The following PDE4D variants were observed in gnomAD, a reference collection of about 807,000 sequenced individuals.
PDE4D encodes the protein phosphodiesterase 4D, also known as 3',5'-cyclic-AMP phosphodiesterase 4D.
PDE4D carries 24 observed loss-of-function variants against 87.4 expected under a neutral mutation model. The observed-to-expected ratio is 0.27, with a 90% CI of 0.20 to 0.39. The LOEUF is 0.39. Among genes scored for constraint, PDE4D ranks in the 10% least tolerant of loss-of-function variants. The pLI is 1.00. For synonymous variants in PDE4D, 384 were observed against 383.2 expected, an observed-to-expected ratio of 1.00 and a Z score of -0.02; for missense variants, 714 against 1,041.0, an observed-to-expected ratio of 0.69 and a Z score of 4.32.
intron 1 of PDE4D, among the ~76,000 whole-genome samples, chr5:59,534,026 C>G (rs970912077): frequency 1.3e-5 from 2 of 152,102 alleles, no homozygotes; most frequent in African/African-American, 2.4e-5. Context: ...TAAAACCTCC[C>G]CTAAAACCCA....
chr5:60,054,781 A>G (rs546794678), intron 2 of PDE4D, among the ~76,000 whole-genome samples: 1 of 152,286 alleles, frequency 6.6e-6, no homozygotes, highest in South Asian at 2.1e-4. Context: ...ACTTTATCAA[A>G]TGATGTTGTC....
intron 1 of PDE4D, among the ~76,000 whole-genome samples, chr5:59,515,793 A>G (rs2153670666): frequency 6.6e-6 from 1 of 152,352 alleles, no homozygotes; most frequent in East Asian, 1.9e-4. Flanking sequence ...GGCAATTAAT[A>G]GAGGGATACG....
chr5:60,209,428 A>G lies in PDE4D; in HGVS notation c.-89-23741T>C, dbSNP rs191317500. On this transcript the variant is annotated intron_variant, in intron 1 of 16. Coordinates refer to the PDE4D transcript ENST00000502484. ...AAAGCTTCCTGTTGGCAATTCTGCC[A>G]TTCATCTAAAAAACAAACACACTAG... Among the ~76,000 whole-genome samples the G allele has an allele frequency of 7.0e-4, 107 of 152,294 alleles. 1 individual carries two copies. The highest frequency in any genetic ancestry group is 2.5e-3 in the African/African-American group (103 of 41,576).
chr5:60,311,002 A>T (rs1408459969), intron 1 of PDE4D, among the ~76,000 whole-genome samples: 1 of 150,050 alleles, frequency 6.7e-6, no homozygotes, highest in African/African-American at 2.5e-5. Context: ...TCTGAGTCCA[A>T]CTCATTAAAA....
intron 2 of PDE4D, among the ~76,000 whole-genome samples, chr5:60,140,607 G>C (rs1780443433): frequency 6.6e-6 from 1 of 151,164 alleles, no homozygotes; most frequent in South Asian, 2.1e-4. Context: ...TTGCCCAGTA[G>C]TACTGTTGTG....
chr5:59,698,691 A>G (rs1008402801), intron 1 of PDE4D, among the ~76,000 whole-genome samples: 3 of 152,144 alleles, frequency 2.0e-5, no homozygotes, highest in Non-Finnish European at 4.4e-5. Flanking sequence ...CCCAAAGCAA[A>G]TCTATTCAAA....
intron 1 of PDE4D, among the ~76,000 whole-genome samples, chr5:59,485,302 T>A (rs1276684286): frequency 2.0e-5 from 3 of 152,124 alleles, no homozygotes; most frequent in African/African-American, 7.2e-5. Flanking sequence ...GTGTCAGCCA[T>A]CTGGGCTTTA....
chr5:60,324,224 T>C (rs1756570699), intron 1 of PDE4D, among the ~76,000 whole-genome samples: 1 of 152,204 alleles, frequency 6.6e-6, no homozygotes, highest in Admixed American at 6.5e-5. Context: ...TTCTCAGGGA[T>C]GTGCTGTCTC....
At chr5:60,047,867 G>A (rs1050383432) in intron 2 of PDE4D, among the ~76,000 whole-genome samples, 1 of 152,166 alleles carries the variant, frequency 6.6e-6, no homozygotes, top group Non-Finnish European at 1.5e-5. Context: ...GAGTTCTGTA[G>A]ATGTCTATTA....
intron 5 of PDE4D, among the ~76,000 whole-genome samples, chr5:59,109,391 TAAG>T (rs1398665319): frequency 6.6e-6 from 1 of 152,236 alleles, no homozygotes. Flanking sequence ...ATGGGTGCTA[TAAG>T]AAGCTCTGAT....
At chr5:59,631,721 A>T (rs1230675607) in intron 1 of PDE4D, among the ~76,000 whole-genome samples, 5 of 152,198 alleles carry the variant, frequency 3.3e-5, no homozygotes, top group Non-Finnish European at 7.3e-5. Context: ...CAGCCCAGAT[A>T]CTATGCTTTT....
chr5:59,165,398 C>A (rs1041196268), intron 5 of PDE4D, among the ~76,000 whole-genome samples: 4 of 152,180 alleles, frequency 2.6e-5, no homozygotes, highest in African/African-American at 9.7e-5. Flanking sequence ...CTCAGCCTCC[C>A]AAGGAGCTGG....
rs789389 is a variant in PDE4D, at chr5:60,411,199, T to A, written c.-90+76743A>T. 6.4e-4 allele frequency among the ~76,000 whole-genome samples: 97 copies of A among 152,172 alleles called. 1 individual carries two copies. The highest frequency in any genetic ancestry group is 1.2e-3 in the Non-Finnish European group (84 of 67,992). ...GTAATAAAGCATGCACTGGTATAAT[T>A]TTCATTGCTGATAAAAAGGATAACT... On this transcript the variant is annotated intron_variant, in intron 1 of 16. Transcript: ENST00000502484.
intron 5 of PDE4D, among the ~76,000 whole-genome samples, chr5:59,052,458 G>C (rs1452931813): frequency 6.6e-6 from 1 of 152,202 alleles, no homozygotes; most frequent in Non-Finnish European, 1.5e-5. Context: ...AGTGGATATT[G>C]TGGGAATTGG....
intron 3 of PDE4D, chr5:59,988,400 A>C: frequency 1.3e-6 from 1 of 745,718 alleles, no homozygotes; most frequent in East Asian, 2.7e-5. Flanking sequence ...ACTCAAATCA[A>C]GCAATGAGCC....
intron 1 of PDE4D, among the ~76,000 whole-genome samples, chr5:59,607,952 C>T (rs1289521247): frequency 6.6e-6 from 1 of 151,896 alleles, no homozygotes; most frequent in Non-Finnish European, 1.5e-5. Context: ...GGGAAGAGTG[C>T]CTAGTTTCCT....
intron 1 of PDE4D, among the ~76,000 whole-genome samples, chr5:59,416,988 A>G (rs1032012908): frequency 2.6e-5 from 4 of 152,174 alleles, no homozygotes; most frequent in Non-Finnish European, 5.9e-5. Context: ...TACAATACAT[A>G]TATGAAGTAT....
intron 1 of PDE4D, among the ~76,000 whole-genome samples, chr5:59,675,234 C>T (rs1747871265): frequency 6.6e-6 from 1 of 152,126 alleles, no homozygotes; most frequent in Admixed American, 6.5e-5. Flanking sequence ...TTTTGAAGTA[C>T]AAAGATTGCC....
At chr5:59,577,977 T>C (rs1208477168) in intron 1 of PDE4D, among the ~76,000 whole-genome samples, 1 of 152,176 alleles carries the variant, frequency 6.6e-6, no homozygotes, top group Non-Finnish European at 1.5e-5. Flanking sequence ...TTATTTCCAG[T>C]ACATTTCTCA....
Sources: gnomAD v4.1 joint callset for allele counts (sites outside exome capture counted in the v4.1 genomes callset) on GRCh38, gnomAD v4.1.1 for gene constraint, MANE v1.5 for transcripts, NCBI Gene and HGNC (gene_info 2026-07-23, HGNC 2026-07-21) for gene names.